Variants in FAM20A observed in about 807,000 individuals in gnomAD.
The protein encoded by FAM20A is pseudokinase FAM20A.
Under a neutral mutation model 52.0 loss-of-function variants are expected in FAM20A, and 42 were observed. The observed-to-expected ratio is 0.81, with a 90% CI of 0.63 to 1.04. The LOEUF (loss-of-function observed/expected upper bound fraction) is 1.04, where lower values mean the gene tolerates loss of function less well. Ranked by LOEUF, FAM20A falls within the 50% of genes least tolerant of loss-of-function variation. The probability of loss-of-function intolerance (pLI) is 0.00; values close to 1 mark genes in which losing one functional copy is unlikely to be tolerated. For synonymous variants in FAM20A, 304 were observed against 298.9 expected (o/e 1.02, Z -0.18); for missense variants, 742 against 712.7 (o/e 1.04, Z -0.47).
At chr17:68,544,623 G>A (rs762898018) in intron 4 of FAM20A, among the ~76,000 whole-genome samples, 13 of 152,176 alleles carry the variant, frequency 8.5e-5, no homozygotes, top group Non-Finnish European at 1.9e-4. Context: ...TGTGCATTTT[G>A]CCAAAAAACA....
At chr17:68,595,479 G>A (rs2088427355) in intron 1 of FAM20A, among the ~76,000 whole-genome samples, 1 of 152,156 alleles carries the variant, frequency 6.6e-6, no homozygotes. Flanking sequence ...TCAGGGATTT[G>A]GAAACCACTA....
At chr17:68,591,810 T>A (rs2088320627) in intron 1 of FAM20A, 1 of 152,262 alleles carries the variant, frequency 6.6e-6, no homozygotes, top group Non-Finnish European at 1.5e-5. Flanking sequence ...TGTTCCTGTG[T>A]GGTGACCTGG....
chr17:68,542,694 C>G lies in FAM20A; in HGVS notation c.928G>C (p.Ala310Pro), dbSNP rs766457256. The change falls in exon 6 of 11, where the codon GCG becomes CCG. Residue 310 changes from alanine to proline, a missense_variant and splice_region_variant. Physicochemically the swap from Ala to Pro is conservative, Grantham distance 27. Coordinates refer to ENST00000592554, the MANE Select transcript of FAM20A (RefSeq NM_017565.4). ...AATATCACTCGGGCCAGTACTCTAC[C>G]TGGAGAGACAAAGAAAACACTCTGC... ...ILQSVFFVSPASNVCFFAKCP... is the reference protein window; with the variant it reads ...ILQSVFFVSPPSNVCFFAKCP... 2.5e-6 allele frequency: 4 copies of G among 1,612,082 alleles called. No homozygotes were observed. Among genetic ancestry groups the G allele is most frequent in the Non-Finnish European group, 3.4e-6 (4 of 1,178,168 alleles).
intron 8 of FAM20A, 135 bp downstream of exon 8, chr17:68,540,714 A>C: frequency 2.7e-6 from 3 of 1,131,308 alleles, no homozygotes; most frequent in Non-Finnish European, 3.9e-6. Flanking sequence ...GACCTCCGCC[A>C]CTTCTGAGGC....
intron 1 of FAM20A, among the ~76,000 whole-genome samples, chr17:68,566,343 G>A (rs990716642): frequency 6.6e-6 from 1 of 152,186 alleles, no homozygotes; most frequent in African/African-American, 2.4e-5. Context: ...TGCACAGAAG[G>A]TACTTAACAC....
Position 68,537,242 on chromosome 17 carries a change from T to C in FAM20A, c.*235A>G, listed in dbSNP as rs748349083. On this transcript the variant is annotated 3_prime_UTR_variant, in exon 11 of 11. Transcript: ENST00000592554. The surrounding 1 kb of genome is among the most constrained non-coding windows in gnomAD (Gnocchi z 4.2). ...CTCAGGAGATCGTCGGTGGCCTTGATGAAGCCAGTGCTTTTTGGGAAAAAC... is the reference window on the plus strand; with the variant it reads ...CTCAGGAGATCGTCGGTGGCCTTGACGAAGCCAGTGCTTTTTGGGAAAAAC... 1 of 678,176 alleles carries C rather than the reference T, an allele frequency of 1.5e-6. No individual in the cohort carries two copies. The highest frequency in any genetic ancestry group is 1.5e-5 in the South Asian group (1 of 66,574). The allele number at this position is 678,176 out of a possible 1,614,324, so 42.0% of individuals were successfully genotyped here. A position where few individuals can be genotyped will look rare whatever the true frequency, so the allele number is the denominator to read the frequency against.
At chr17:68,541,174 A>G (rs576004284) in intron 7 of FAM20A, 137 of 587,392 alleles carry the variant, frequency 2.3e-4, no homozygotes, top group African/African-American at 1.8e-3. Context: ...TCTGGTGGAC[A>G]CTAAACCCAT....
At chr17:68,568,958 C>T (rs1423403147) in intron 1 of FAM20A, among the ~76,000 whole-genome samples, 3 of 151,814 alleles carry the variant, frequency 2.0e-5, no homozygotes, top group Non-Finnish European at 4.4e-5. Context: ...CTAGGCACTG[C>T]CCGATCTTTC....
rs12150328 is a variant in FAM20A at position 68,556,002 on chromosome 17, T to C, written c.405-259A>G. 0.16 allele frequency among the ~76,000 whole-genome samples: 24,118 copies of C among 152,098 alleles called. 1,958 individuals are homozygous for C. The highest frequency in any genetic ancestry group is 0.18 in the South Asian group (860 of 4,822). Reference sequence around the variant, plus strand: ...TACAATATCATACACAAATACTTAATTACAAACCAGGACAAATCCTGGGAA... The same window carrying C: ...TACAATATCATACACAAATACTTAACTACAAACCAGGACAAATCCTGGGAA... On this transcript the variant is annotated intron_variant, in intron 1 of 10. Coordinates refer to ENST00000592554, the MANE Select transcript of FAM20A (RefSeq NM_017565.4).
At chr17:68,563,575 C>T (rs1030695256) in intron 1 of FAM20A, among the ~76,000 whole-genome samples, 3 of 147,852 alleles carry the variant, frequency 2.0e-5, no homozygotes, top group Non-Finnish European at 4.5e-5. Flanking sequence ...TTTTTAGGGG[C>T]TTTTTTTTTT....
At position 68,599,033 on chromosome 17, in the gene FAM20A, G is replaced by A. The variant is rs138458542; in HGVS notation, c.404+1230C>T. Among the ~76,000 whole-genome samples the A allele has an allele frequency of 5.2e-4, 79 of 152,318 alleles. 2 individuals are homozygous for A. Among genetic ancestry groups the A allele is most frequent in the African/African-American group, 1.9e-3 (78 of 41,580 alleles). On this transcript the variant is annotated intron_variant, in intron 1 of 10. Transcript: ENST00000592554. The stretch of plus-strand genomic sequence containing the variant: ...AATCACTTTCTTTCTAACATAAAAT[G>A]TGAGCCGTAGAGTTACTACTGAAAT...
At chr17:68,551,687 C>CAAT (rs2086841249) in intron 4 of FAM20A, among the ~76,000 whole-genome samples, 186 bp downstream of exon 4, 1 of 83,060 alleles carries the variant, frequency 1.2e-5, no homozygotes, top group Non-Finnish European at 2.4e-5. Context: ...TTAGTATTTT[C>CAAT]AATTATTATT....
Position 68,548,310 on chromosome 17 carries a change from A to C in FAM20A, c.719+3563T>G, listed in dbSNP as rs187524376. Among the ~76,000 whole-genome samples, 473 of 152,224 alleles carry C rather than the reference A, an allele frequency of 3.1e-3. 3 individuals carry two copies. The highest frequency in any genetic ancestry group is 0.011 in the African/African-American group (457 of 41,520). ...TTTGGGAGGCTGAGGTGGGCGGATC[A>C]CCTGAGGTCGAGAGTTCGAGACCAG... On this transcript the variant is annotated intron_variant, in intron 4 of 10. Transcript: ENST00000592554.
chr17:68,548,202 T>A (rs1733399651), intron 4 of FAM20A, among the ~76,000 whole-genome samples: 1 of 152,162 alleles, frequency 6.6e-6, no homozygotes, highest in Non-Finnish European at 1.5e-5. Flanking sequence ...GAGACCAGCC[T>A]GGCCAACACA....
In FAM20A at chr17:68,536,494, T is replaced by TA. The variant is rs769815147; in HGVS notation, c.*982dup. 1.3e-5 allele frequency: 6 copies of TA among 454,102 alleles called. No homozygotes were observed. Among genetic ancestry groups the TA allele is most frequent in the South Asian group, 7.8e-5 (5 of 64,474 alleles). 28.1% of individuals were successfully genotyped at this position (454,102 alleles called of 1,614,324 possible). On this transcript the variant is annotated 3_prime_UTR_variant, in exon 11 of 11. Coordinates refer to ENST00000592554, the MANE Select transcript of FAM20A (RefSeq NM_017565.4). ...CACTTTCTTCTAAGGGAGGCTTCAA[T>TA]AAAAAACCTGACTTAGTCTTTTTTG...
intron 1 of FAM20A, among the ~76,000 whole-genome samples, chr17:68,585,396 T>A (rs1381496413): frequency 6.6e-6 from 1 of 152,208 alleles, no homozygotes; most frequent in African/African-American, 2.4e-5. Context: ...TGCACTCTCT[T>A]CATCCGTGCA....
Position 68,542,652 on chromosome 17 carries a change from G to T in FAM20A, c.928+42C>A, listed in dbSNP as rs75550131. On this transcript the variant is annotated intron_variant, in intron 6 of 10. Transcript: ENST00000592554. ...TGGAGGGGTGGACACTCTGGCTTAC[G>T]ATCTACTCAGACCCGGAATATCACT... 1.3e-5 allele frequency: 19 copies of T among 1,486,844 alleles called. 1 individual carries two copies. The South Asian group carries it at 1.6e-4, about 12-fold the overall frequency. The allele number at this position is 1,486,844 out of a possible 1,614,324, so 92.1% of individuals were successfully genotyped here.
At chr17:68,557,366 GTGA>G (rs2087083234) in intron 1 of FAM20A, 1 of 152,016 alleles carries the variant, frequency 6.6e-6, no homozygotes, top group Non-Finnish European at 1.5e-5. Flanking sequence ...AACTTCCAAG[GTGA>G]TGGTATTGGA....
intron 2 of FAM20A, among the ~76,000 whole-genome samples, chr17:68,555,183 C>T (rs995849656): frequency 6.6e-6 from 1 of 152,336 alleles, no homozygotes; most frequent in Non-Finnish European, 1.5e-5. Context: ...AGCTCCACCC[C>T]CTAGGTCCTT....
Sources: allele counts gnomAD v4.1 joint callset (sites outside exome capture counted in the v4.1 genomes callset), GRCh38; gene constraint gnomAD v4.1.1; non-coding constraint Gnocchi (gnomAD v3.1); transcripts MANE v1.5; gene names NCBI Gene and HGNC (gene_info 2026-07-23, HGNC 2026-07-21).